ROBO2: variants seen among roughly 807,000 people sequenced by gnomAD.
The protein encoded by ROBO2 is roundabout homolog 2.
Under a neutral mutation model 160.8 loss-of-function variants are expected in ROBO2, and 53 were observed. The ratio of observed to expected loss-of-function variants is 0.33; its 90% CI spans 0.26 to 0.41. ROBO2 has a LOEUF of 0.41. Among genes scored for constraint, ROBO2 ranks in the 10% least tolerant of loss-of-function variants. ROBO2 has a pLI of 1.00. For missense variants in ROBO2, 1,577 were observed against 1,722.4 expected (o/e 0.92, Z 1.49); for synonymous variants, 664 against 611.7 (o/e 1.09, Z -1.26).
At chr3:76,848,219 T>C (rs2068963814) in intron 2 of ROBO2, among the ~76,000 whole-genome samples, 1 of 152,194 alleles carries the variant, frequency 6.6e-6, no homozygotes, top group African/African-American at 2.4e-5. Context: ...CTTCTCCAAA[T>C]AAATCTTATA....
intron 2 of ROBO2, among the ~76,000 whole-genome samples, chr3:75,993,805 A>T (rs2065642742): frequency 6.6e-6 from 1 of 152,314 alleles, no homozygotes; most frequent in African/African-American, 2.4e-5. Context: ...ATCCAAAAAC[A>T]TACAGGCTTC....
intron 2 of ROBO2, among the ~76,000 whole-genome samples, chr3:76,980,619 G>A (rs1200097611): frequency 1.3e-5 from 2 of 151,816 alleles, no homozygotes; most frequent in Non-Finnish European, 2.9e-5. Flanking sequence ...TTGGGAAGTG[G>A]GTTTAACTTT....
At chr3:77,169,440 A>G (rs1273817272) in intron 2 of ROBO2, among the ~76,000 whole-genome samples, 1 of 152,186 alleles carries the variant, frequency 6.6e-6, no homozygotes, top group Non-Finnish European at 1.5e-5. Context: ...TGACTTGCCA[A>G]GTTGTTTGTG....
intron 2 of ROBO2, among the ~76,000 whole-genome samples, chr3:77,243,766 T>C (rs1157729751): frequency 6.6e-6 from 1 of 152,240 alleles, no homozygotes; most frequent in East Asian, 1.9e-4. Flanking sequence ...CACAGGTTAG[T>C]AATCCCTCCT....
chr3:76,875,854 ATGTTGACCAGGCTGG>A (rs2072656759), intron 2 of ROBO2, among the ~76,000 whole-genome samples: 1 of 151,998 alleles, frequency 6.6e-6, no homozygotes. Flanking sequence ...GGGTTTCACC[ATGTTGACCAGGCTGG>A]TCTTGAACTC....
intron 2 of ROBO2, among the ~76,000 whole-genome samples, chr3:76,509,039 C>A (rs186873300): frequency 6.6e-6 from 1 of 152,106 alleles, no homozygotes; most frequent in East Asian, 1.9e-4. Context: ...ATATACATGC[C>A]CATATAGTGA....
chr3:77,564,968 A>T, exon 12 of ROBO2: 1 of 1,613,436 alleles, frequency 6.2e-7, no homozygotes, highest in Non-Finnish European at 8.5e-7. Context: ...TCAGTGAGCA[A>T]CAGCTGGCAG....
At chr3:76,434,451 C>T (rs1363301619) in intron 2 of ROBO2, 3 of 1,553,382 alleles carry the variant, frequency 1.9e-6, no homozygotes, top group Non-Finnish European at 2.7e-6. Flanking sequence ...AAGCCTGGCA[C>T]TTATGTGAAA....
Position 76,567,647 on chromosome 3 carries a change from A to G in ROBO2, c.110-530367A>G, listed in dbSNP as rs1383348836. 9.3e-4 allele frequency among the ~76,000 whole-genome samples: 88 copies of G among 94,180 alleles called. 3 individuals are homozygous for G. Among genetic ancestry groups the G allele is most frequent in the African/African-American group, 3.9e-3 (85 of 22,032 alleles). 61.8% of individuals were successfully genotyped at this position (94,180 alleles called of 152,430 possible). On this transcript the variant is annotated intron_variant, in intron 2 of 26. Transcript: ENST00000487694. The stretch of plus-strand genomic sequence containing the variant: ...TATATATATATATATATATATATAT[A>G]TATATACACATACACATATATATAC...
intron 2 of ROBO2, among the ~76,000 whole-genome samples, chr3:77,429,358 A>C (rs2153540107): frequency 6.6e-6 from 1 of 152,224 alleles, no homozygotes; most frequent in East Asian, 1.9e-4. Context: ...TATAGCCCCC[A>C]CTGGTACCCA....
At chr3:76,229,827 C>T (rs1208559543) in intron 2 of ROBO2, among the ~76,000 whole-genome samples, 1 of 152,050 alleles carries the variant, frequency 6.6e-6, no homozygotes, top group Non-Finnish European at 1.5e-5. Context: ...GAAACATCAA[C>T]CAAAGGTGTT....
chr3:76,253,810 G>A (rs35493446), intron 2 of ROBO2, among the ~76,000 whole-genome samples: 6,223 of 151,516 alleles, frequency 0.041, 377 homozygotes, highest in African/African-American at 0.13. Context: ...CTCTTGGTGT[G>A]AAAGACTACA....
At chr3:76,117,533 C>T (rs984485720) in intron 2 of ROBO2, among the ~76,000 whole-genome samples, 19 of 152,236 alleles carry the variant, frequency 1.2e-4, no homozygotes, top group Middle Eastern at 3.4e-3. Flanking sequence ...AATATACTTA[C>T]GTAAACTCCT....
intron 2 of ROBO2, among the ~76,000 whole-genome samples, chr3:76,282,869 A>C (rs973953093): frequency 2.0e-5 from 3 of 151,814 alleles, no homozygotes; most frequent in Non-Finnish European, 4.4e-5. Flanking sequence ...ATGCATATAA[A>C]ACCACCTTTT....
chr3:76,227,068 A>G (rs1252126610), intron 2 of ROBO2, among the ~76,000 whole-genome samples: 1 of 152,202 alleles, frequency 6.6e-6, no homozygotes, highest in Non-Finnish European at 1.5e-5. Flanking sequence ...AGTGTCCAAC[A>G]ATTTTGCCGA....
chr3:77,406,277 A>G (rs1389391224), intron 2 of ROBO2, among the ~76,000 whole-genome samples: 4 of 152,156 alleles, frequency 2.6e-5, no homozygotes, highest in Non-Finnish European at 5.9e-5. Context: ...ACCTCCCAGC[A>G]TGTCCCTTCC....
At chr3:76,789,243 A>G (rs2063190216) in intron 2 of ROBO2, among the ~76,000 whole-genome samples, 1 of 151,410 alleles carries the variant, frequency 6.6e-6, no homozygotes, top group Non-Finnish European at 1.5e-5. Flanking sequence ...TCTATTGTCT[A>G]TGTGTCTATA....
intron 2 of ROBO2, among the ~76,000 whole-genome samples, chr3:76,380,008 T>C (rs573452329): frequency 3.5e-4 from 53 of 152,238 alleles, no homozygotes; most frequent in Non-Finnish European, 6.8e-4. Flanking sequence ...TAGATAGTTG[T>C]ACCTTGTTTC....
intron 2 of ROBO2, among the ~76,000 whole-genome samples, chr3:76,005,511 G>C (rs1041226317): frequency 3.3e-5 from 5 of 152,156 alleles, no homozygotes; most frequent in African/African-American, 1.2e-4. Context: ...TGTATAAAAT[G>C]AATGTGCCAA....
Sources: gnomAD v4.1 joint callset for allele counts (sites outside exome capture counted in the v4.1 genomes callset) on GRCh38, gnomAD v4.1.1 for gene constraint, MANE v1.5 for transcripts, NCBI Gene and HGNC (gene_info 2026-07-23, HGNC 2026-07-21) for gene names.